Variants in DLGAP2 observed in about 807,000 individuals in gnomAD.
The protein encoded by DLGAP2 is DLG associated protein 2, also known as disks large-associated protein 2.
DLGAP2 carries 26 observed loss-of-function variants against 100.3 expected under a neutral mutation model. The observed-to-expected ratio is 0.26, with a 90% CI of 0.19 to 0.36. DLGAP2 has a LOEUF of 0.36. DLGAP2 is among the 10% of genes least tolerant of loss of function. DLGAP2 has a pLI of 1.00. For synonymous variants in DLGAP2, 886 were observed against 630.1 expected, an observed-to-expected ratio of 1.41 and a Z score of -6.08; for missense variants, 1,858 against 1,453.2, an observed-to-expected ratio of 1.28 and a Z score of -4.53.
At chr8:865,382 T>C (rs200713193) in intron 1 of DLGAP2, among the ~76,000 whole-genome samples, 77 of 152,336 alleles carry the variant, frequency 5.1e-4, no homozygotes, top group Non-Finnish European at 1.1e-3. Context: ...GGTTTTAAGA[T>C]TGTGCTCTAG....
At chr8:1,537,984 G>T (rs920104552) in intron 4 of DLGAP2, among the ~76,000 whole-genome samples, 1 of 151,918 alleles carries the variant, frequency 6.6e-6, no homozygotes, top group Non-Finnish European at 1.5e-5. Context: ...AAGATACTGC[G>T]GGGGGAACAG....
At chr8:1,135,675 C>T (rs982893626) in intron 2 of DLGAP2, among the ~76,000 whole-genome samples, 2 of 152,168 alleles carry the variant, frequency 1.3e-5, no homozygotes, top group African/African-American at 4.8e-5. Context: ...TTTCCAGGAA[C>T]TGCAGGTTGG....
intron 2 of DLGAP2, among the ~76,000 whole-genome samples, chr8:1,089,495 C>T (rs546010921): frequency 6.6e-6 from 1 of 152,342 alleles, no homozygotes; most frequent in East Asian, 1.9e-4. Context: ...AGGGTCTCTC[C>T]TGCTGCCCCA....
At chr8:1,503,435 G>C (rs954224818) in intron 4 of DLGAP2, among the ~76,000 whole-genome samples, 21 of 152,208 alleles carry the variant, frequency 1.4e-4, no homozygotes, top group African/African-American at 5.1e-4. Flanking sequence ...GTTACTGCAT[G>C]TATCAATGTG....
intron 3 of DLGAP2, among the ~76,000 whole-genome samples, chr8:1,490,609 A>T (rs1461474881): frequency 6.6e-6 from 1 of 152,144 alleles, no homozygotes; most frequent in Non-Finnish European, 1.5e-5. Flanking sequence ...CAGTAGGTAA[A>T]GGTGAAATGG....
At chr8:1,283,969 G>A (rs1475949794) in intron 3 of DLGAP2, among the ~76,000 whole-genome samples, 1 of 152,232 alleles carries the variant, frequency 6.6e-6, no homozygotes, top group Non-Finnish European at 1.5e-5. Flanking sequence ...CAAAGTGATT[G>A]TCATTCACGA....
chr8:1,499,166 C>A (rs1013718414), intron 3 of DLGAP2, among the ~76,000 whole-genome samples: 1 of 152,248 alleles, frequency 6.6e-6, no homozygotes, highest in Non-Finnish European at 1.5e-5. Context: ...TCCAGCAAAT[C>A]GCAGGCTTCC....
chr8:1,539,190 A>T (rs546741245), intron 4 of DLGAP2, among the ~76,000 whole-genome samples: 2 of 152,062 alleles, frequency 1.3e-5, no homozygotes, highest in South Asian at 4.2e-4. Context: ...CTGGCCTGTC[A>T]CTCATCTTTT....
At chr8:1,391,821 C>T (rs564209282) in intron 3 of DLGAP2, among the ~76,000 whole-genome samples, 114 of 152,382 alleles carry the variant, frequency 7.5e-4, no homozygotes, top group Non-Finnish European at 7.9e-4. Context: ...TTTCATTAAG[C>T]GGAAGCAGCA....
intron 2 of DLGAP2, among the ~76,000 whole-genome samples, chr8:985,151 G>A (rs978963858): frequency 6.6e-6 from 1 of 152,210 alleles, no homozygotes; most frequent in African/African-American, 2.4e-5. Context: ...GTCCCTGGCT[G>A]AGCATGGTTG....
At chr8:1,187,491 C>T (rs1172848090) in intron 2 of DLGAP2, among the ~76,000 whole-genome samples, 1 of 135,232 alleles carries the variant, frequency 7.4e-6, no homozygotes, top group Non-Finnish European at 1.5e-5. Context: ...CGGAATCTCA[C>T]ACACCCGGGA....
Position 1,678,331 on chromosome 8 carries a change from C to G in DLGAP2, c.2406C>G (p.Ser802=). ...ACAAAGGCCTTCAGTTCGGCTCATC[C>G]TTCCAGCGGCACTCCGAGCCCAGCA... The part of the protein sequence containing the change: ...TEDKGLQFGS[S]FQRHSEPSTP... The change falls in exon 12 of 15, where the codon TCC becomes TCG. Residue 802 remains serine (S), a synonymous_variant. Transcript: ENST00000637795. 1.2e-6 allele frequency: 2 copies of G among 1,614,020 alleles called. No individual in the cohort carries two copies. Among genetic ancestry groups the G allele is most frequent in the Non-Finnish European group, 1.7e-6 (2 of 1,179,894 alleles).
intron 1 of DLGAP2, among the ~76,000 whole-genome samples, chr8:805,386 G>T (rs1796249059): frequency 6.6e-6 from 1 of 152,086 alleles, no homozygotes; most frequent in Non-Finnish European, 1.5e-5. Context: ...TGGGGCTGGG[G>T]CTTTCTTCCT....
At chr8:1,636,445 G>A (rs942042010) in intron 8 of DLGAP2, among the ~76,000 whole-genome samples, 2 of 152,182 alleles carry the variant, frequency 1.3e-5, no homozygotes, top group Non-Finnish European at 2.9e-5. Context: ...TGCCAACATA[G>A]AGGAGAAAAA....
rs1005534744 is a variant in DLGAP2 at position 1,548,728 on chromosome 8, C to T, written c.275C>T (p.Pro92Leu). 8 of 1,606,798 alleles carry T rather than the reference C, an allele frequency of 5.0e-6. No homozygotes were observed. The highest frequency in any genetic ancestry group is 2.7e-5 in the African/African-American group (2 of 74,718). ...CTTTCCGGAAGTCGGACCCAGCCGC[C>T]GCTGTGTTCCGGGCACACGTGTGGT... is the stretch of plus-strand genomic sequence containing the variant. Reference protein sequence around the residue: ...KGLSGSRTQPPLCSGHTCGLA... With the variant: ...KGLSGSRTQPLLCSGHTCGLA... The change falls in exon 5 of 15, where the codon CCG becomes CTG. Residue 92 changes from proline to leucine, a missense_variant. Physicochemically the swap from Pro to Leu is moderately conservative, Grantham distance 98 (BLOSUM62 -3). Coordinates refer to ENST00000637795, the MANE Select transcript of DLGAP2 (RefSeq NM_001346810.2).
rs1050058200 is a variant in DLGAP2 at position 1,116,246 on chromosome 8, C to G, written c.74-142605C>G. ...CCCCGTTCATCTGGGTCCTGACATG[C>G]TCTTGGGTTTTCTGTATTGTCAAGT... is the stretch of plus-strand genomic sequence containing the variant. On this transcript the variant is annotated intron_variant, in intron 2 of 14. Coordinates refer to ENST00000637795, the MANE Select transcript of DLGAP2 (RefSeq NM_001346810.2). Among the ~76,000 whole-genome samples the G allele has an allele frequency of 6.6e-5, 10 of 152,204 alleles. No individual in the cohort carries two copies. In the South Asian group the frequency reaches 8.3e-4, roughly 13 times the overall value.
chr8:780,179 T>A (rs1242219045), intron 1 of DLGAP2, among the ~76,000 whole-genome samples: 1 of 152,196 alleles, frequency 6.6e-6, no homozygotes, highest in Non-Finnish European at 1.5e-5. Flanking sequence ...TGGCCCTCAC[T>A]GTTCTACTCT....
intron 2 of DLGAP2, among the ~76,000 whole-genome samples, chr8:1,185,912 T>C (rs1362826194): frequency 6.6e-6 from 1 of 152,014 alleles, no homozygotes; most frequent in Non-Finnish European, 1.5e-5. Flanking sequence ...GCAGGTTCCC[T>C]TCTGCCAAGG....
At chr8:1,266,130 G>C (rs1050641643) in intron 3 of DLGAP2, among the ~76,000 whole-genome samples, 7 of 152,224 alleles carry the variant, frequency 4.6e-5, no homozygotes, top group Admixed American at 4.6e-4. Flanking sequence ...AAGCAGAGAC[G>C]CTCTGAAAGG....
Sources: allele counts gnomAD v4.1 joint callset (sites outside exome capture counted in the v4.1 genomes callset), GRCh38; gene constraint gnomAD v4.1.1; transcripts MANE v1.5; gene names NCBI Gene and HGNC (gene_info 2026-07-23, HGNC 2026-07-21).